Variants in SH3TC2 observed in about 807,000 individuals in gnomAD.
SH3TC2 encodes SH3 domain and tetratricopeptide repeat-containing protein 2.
Under a neutral mutation model 124.5 loss-of-function variants are expected in SH3TC2, and 87 were observed. The ratio of observed to expected loss-of-function variants is 0.70; its 90% CI spans 0.59 to 0.84. The LOEUF (loss-of-function observed/expected upper bound fraction) is 0.84. Ranked by LOEUF, SH3TC2 falls within the 40% of genes least tolerant of loss-of-function variation. The pLI is 0.00. For synonymous variants in SH3TC2, 634 were observed against 628.5 expected, an observed-to-expected ratio of 1.01 and a Z score of -0.13; for missense variants, 1,536 against 1,566.4, an observed-to-expected ratio of 0.98 and a Z score of 0.33.
At chr5:149,041,267 A>G in intron 6 of SH3TC2, 149 bp downstream of exon 6, 1 of 815,824 alleles carries the variant, frequency 1.2e-6, no homozygotes, top group Non-Finnish European at 1.9e-6. Context: ...TTAAAAAAGA[A>G]AAGAAAAAGA....
Position 149,028,703 on chromosome 5 carries a change from A to G in SH3TC2, c.1151T>C (p.Ile384Thr). The G allele has an allele frequency of 6.2e-7, 1 of 1,614,178 alleles. No homozygotes were observed. ...ACTCAGATCATTTGGAGGATTCTGG[A>G]TGGATTCAAACCCACCTAAGTAGAG... ...SVYRLSGFES[I>T]QNPPNDLSAS... Residue 384 changes from isoleucine to threonine, a missense_variant, in exon 10 of 17, where the codon ATC (isoleucine) becomes ACC (threonine). Ile to Thr is a moderately conservative substitution (Grantham distance 89). This residue lies in a region of SH3TC2 where 1,102 missense variants were observed against 1,098.6 expected (regional missense o/e 1.00). Transcript: ENST00000515425.
intron 1 of SH3TC2, among the ~76,000 whole-genome samples, chr5:149,060,761 A>T (rs1754733050): frequency 6.6e-6 from 1 of 152,238 alleles, no homozygotes; most frequent in Admixed American, 6.5e-5. Context: ...GGTTATCAAA[A>T]GCCAGACCTT....
Position 149,007,010 on chromosome 5 carries a change from A to G in SH3TC2, c.3546T>C (p.Tyr1182=), listed in dbSNP as rs757190448. Residue 1182 remains tyrosine, a synonymous_variant, in exon 16 of 17, where the codon TAT becomes TAC. Coordinates refer to ENST00000515425, the MANE Select transcript of SH3TC2 (RefSeq NM_024577.4). ...TCAGGTAGCAGTCCTCAGCCATCTC[A>G]TACATGTGCAGGGAGTAGTACACTG... The part of the protein sequence containing the change: ...LATVYYSLHM[Y]EMAEDCYLKT... 2.2e-5 allele frequency: 36 copies of G among 1,613,794 alleles called. No individual in the cohort carries two copies. The highest frequency in any genetic ancestry group is 3.0e-5 in the Non-Finnish European group (35 of 1,179,796).
At chr5:149,056,096 C>T (rs574898853) in intron 1 of SH3TC2, among the ~76,000 whole-genome samples, 1 of 151,814 alleles carries the variant, frequency 6.6e-6, no homozygotes, top group South Asian at 2.1e-4. Flanking sequence ...CTTTACTGAC[C>T]TCAACATTCT....
chr5:149,042,705 AG>A lies in SH3TC2; in HGVS notation c.517del (p.Leu173Ter). Reference protein sequence around the residue: ...KHLETIYLGLLIQEGHFFCRA... With the variant: ...KHLETIYLGLXIQEGHFFCRA... ...TATGCCACACTCACCTTCCTGTATC[AG>A]GAGTCCCAGGTATATTGTTTCCAGG... On this transcript the variant is annotated frameshift_variant, in exon 5 of 17. Coordinates refer to ENST00000515425, the MANE Select transcript of SH3TC2 (RefSeq NM_024577.4). LOFTEE classifies it high-confidence loss of function. 6.2e-7 allele frequency: 1 copy of A among 1,614,156 alleles called. No individual in the cohort carries two copies. Among genetic ancestry groups the A allele is most frequent in the Non-Finnish European group, 8.5e-7 (1 of 1,180,010 alleles).
intron 13 of SH3TC2, 62 bp downstream of exon 13, chr5:149,012,522 T>C (rs1753800706): frequency 6.2e-7 from 1 of 1,600,558 alleles, no homozygotes; most frequent in Non-Finnish European, 8.6e-7. Flanking sequence ...ATTTGGAGGG[T>C]ACAGCTGCCT....
Position 148,998,930 on chromosome 5 carries a change from T to C in SH3TC2, c.*5781A>G, listed in dbSNP as rs1274585562. ...GAAGACCGCCAAGTGAGAGGCCCAG[T>C]AGCAAAGAGCACCCCTAACATACAC... On this transcript the variant is annotated 3_prime_UTR_variant, in exon 17 of 17. Coordinates refer to ENST00000515425, the MANE Select transcript of SH3TC2 (RefSeq NM_024577.4). 1.3e-5 allele frequency among the ~76,000 whole-genome samples: 2 copies of C among 151,958 alleles called. No individual in the cohort carries two copies. Among genetic ancestry groups the C allele is most frequent in the African/African-American group, 4.8e-5 (2 of 41,390 alleles).
Position 149,001,764 on chromosome 5 carries a change from A to G in SH3TC2, c.*2947T>C, listed in dbSNP as rs1351438889. ...AACTGACCTGGTTATGGGTAAATTC[A>G]TCAGATTTATAGGTAAATCAAAGTG... is the stretch of plus-strand genomic sequence containing the variant. On this transcript the variant is annotated 3_prime_UTR_variant, in exon 17 of 17. Coordinates refer to ENST00000515425, the MANE Select transcript of SH3TC2 (RefSeq NM_024577.4). 3 of 152,252 alleles carry G rather than the reference A, an allele frequency of 2.0e-5. No individual in the cohort carries two copies. The highest frequency in any genetic ancestry group is 4.4e-5 in the Non-Finnish European group (3 of 68,048). 9.4% of individuals were successfully genotyped at this position (152,252 alleles called of 1,614,324 possible). A position where few individuals can be genotyped will look rare whatever the true frequency, so the allele number is the denominator to read the frequency against.
In SH3TC2 at chr5:148,987,792, G is replaced by A. The variant is rs1047718439; in HGVS notation, c.*16919C>T. Reference sequence around the variant, plus strand: ...AGCTCACCAAGTCATGTCCTCACTCGAGGCCTCATTCAAAATCTGTGTGTG... The same window carrying A: ...AGCTCACCAAGTCATGTCCTCACTCAAGGCCTCATTCAAAATCTGTGTGTG... On this transcript the variant is annotated 3_prime_UTR_variant, in exon 17 of 17. Coordinates refer to ENST00000515425, the MANE Select transcript of SH3TC2 (RefSeq NM_024577.4). 2.7e-5 allele frequency among the ~76,000 whole-genome samples: 4 copies of A among 149,490 alleles called. No individual in the cohort carries two copies. The South Asian group carries it at 8.6e-4, about 32-fold the overall frequency.
Position 149,020,692 on chromosome 5 carries a change from A to G in SH3TC2, c.3053+5880T>C, listed in dbSNP as rs150163602. Among the ~76,000 whole-genome samples the G allele has an allele frequency of 9.2e-5, 14 of 152,304 alleles. 1 individual carries two copies. In the East Asian group the frequency reaches 2.7e-3, roughly 29 times the overall value. The stretch of plus-strand genomic sequence containing the variant: ...GCTAATATCAGATAAAAAGACCAAA[A>G]TTGTCATTAAAGACAATGAAGGACA... On this transcript the variant is annotated intron_variant, in intron 12 of 16. Transcript: ENST00000515425.
At chr5:149,059,646 C>CAAA (rs199998586) in intron 1 of SH3TC2, among the ~76,000 whole-genome samples, 3 of 103,482 alleles carry the variant, frequency 2.9e-5, no homozygotes, top group African/African-American at 1.1e-4. Flanking sequence ...TAATGTTTAG[C>CAAA]AAAAAAAAAA....
rs1280589770 is a variant in SH3TC2 at position 148,990,709 on chromosome 5, T to G, written c.*14002A>C. ...GAAATCATGCATTCAAAGAATTTAA[T>G]CCAATGCTTTATACACCATAAATGC... On this transcript the variant is annotated 3_prime_UTR_variant, in exon 17 of 17. Coordinates refer to ENST00000515425, the MANE Select transcript of SH3TC2 (RefSeq NM_024577.4). 6.6e-6 allele frequency among the ~76,000 whole-genome samples: 1 copy of G among 152,188 alleles called. No individual in the cohort carries two copies. The highest frequency in any genetic ancestry group is 1.5e-5 in the Non-Finnish European group (1 of 68,034).
At chr5:149,049,612 G>GA (rs1274271715) in intron 2 of SH3TC2, among the ~76,000 whole-genome samples, 6 of 150,514 alleles carry the variant, frequency 4.0e-5, no homozygotes, top group Non-Finnish European at 5.9e-5. Context: ...TGACAAAAAA[G>GA]AAAAAAAAAT....
intron 12 of SH3TC2, among the ~76,000 whole-genome samples, chr5:149,021,874 C>A (rs1197398503): frequency 1.7e-5 from 1 of 58,712 alleles, no homozygotes. Flanking sequence ...CAATCCTTCA[C>A]AAACTCTTTC....
In SH3TC2 at chr5:149,027,838, C is replaced by T. The variant is rs1580900765; in HGVS notation, c.1894G>A (p.Glu632Lys). The change falls in exon 11 of 17, where the codon GAG becomes AAG. Residue 632 changes from glutamate to lysine, a missense_variant. Glu to Lys is a moderately conservative substitution (Grantham distance 56). Transcript: ENST00000515425. ...QGIVVGSSPL[E>K]ARACFLAIRL... The stretch of plus-strand genomic sequence containing the variant: ...ATGGCCAGAAAGCAGGCCCTGGCCT[C>T]CAGCGGGCTGCTGCCCACCACAATC... The T allele has an allele frequency of 6.2e-7, 1 of 1,613,882 alleles. No homozygotes were observed. Among genetic ancestry groups the T allele is most frequent in the Non-Finnish European group, 8.5e-7 (1 of 1,180,032 alleles).
chr5:149,017,415 G>A lies in SH3TC2; in HGVS notation c.3054-4681C>T, dbSNP rs373142627. 2.6e-5 allele frequency among the ~76,000 whole-genome samples: 4 copies of A among 152,250 alleles called. No homozygotes were observed. In the South Asian group the frequency reaches 8.3e-4, roughly 32 times the overall value. On this transcript the variant is annotated intron_variant, in intron 12 of 16. Transcript: ENST00000515425. ...TTCTGTAGTTGTCCCCTGGAAGGCA[G>A]AGAAGGCATGATCCTGCAGATATTA...
intron 1 of SH3TC2, among the ~76,000 whole-genome samples, chr5:149,058,085 C>G (rs906462866): frequency 2.6e-5 from 4 of 152,304 alleles, no homozygotes; most frequent in African/African-American, 9.6e-5. Context: ...GGAAAGATAG[C>G]TTTCTGATAA....
intron 1 of SH3TC2, among the ~76,000 whole-genome samples, chr5:149,061,758 C>T (rs36047): frequency 0.42 from 63,606 of 151,934 alleles, 14,228 homozygotes; most frequent in South Asian, 0.56. Flanking sequence ...TGGTCCTGCA[C>T]GTCTCCCTCC....
At chr5:149,033,201 T>C (rs1231412114) in intron 8 of SH3TC2, among the ~76,000 whole-genome samples, 5 of 152,262 alleles carry the variant, frequency 3.3e-5, no homozygotes, top group African/African-American at 1.2e-4. Context: ...CCTCACAACA[T>C]CTGCTAAAGT....
Sources: gnomAD v4.1 joint callset for allele counts (sites outside exome capture counted in the v4.1 genomes callset) on GRCh38, gnomAD v4.1.1 for gene constraint, gnomAD v4.1.1 regional missense constraint, MANE v1.5 for transcripts, NCBI Gene and HGNC (gene_info 2026-07-23, HGNC 2026-07-21) for gene names.